The following FSTL1 variants were observed in gnomAD, a reference collection of about 807,000 sequenced individuals.
FSTL1 encodes follistatin-related protein 1.
FSTL1 carries 24 observed loss-of-function variants against 45.9 expected under a neutral mutation model. That is an observed-to-expected ratio of 0.52 (90% CI 0.38 to 0.74). The LOEUF is 0.74. Among genes scored for constraint, FSTL1 ranks in the 30% least tolerant of loss-of-function variants. FSTL1 has a pLI of 0.00. For missense variants in FSTL1, 340 were observed against 381.8 expected (o/e 0.89, Z 0.91); for synonymous variants, 120 against 137.6 (o/e 0.87, Z 0.89).
intron 2 of FSTL1, among the ~76,000 whole-genome samples, chr3:120,428,267 T>C (rs943249901): frequency 5.9e-5 from 9 of 152,140 alleles, no homozygotes; most frequent in African/African-American, 2.2e-4. Flanking sequence ...GCCCACGTGG[T>C]TTATCTCCCC....
Position 120,415,018 on chromosome 3 carries a change from GA to G in FSTL1, c.168+904del, listed in dbSNP as rs200534878. 1.5e-3 allele frequency among the ~76,000 whole-genome samples: 219 copies of G among 147,164 alleles called. 2 individuals carry two copies. Among genetic ancestry groups the G allele is most frequent in the African/African-American group, 4.3e-3 (172 of 40,148 alleles). The stretch of plus-strand genomic sequence containing the variant: ...ATAAATAAATTAAAAAAAAAAGAAA[GA>G]AAAAAAATCTTTAGCTCTATTTAGA... On this transcript the variant is annotated intron_variant, in intron 3 of 10. Coordinates refer to ENST00000295633, the MANE Select transcript of FSTL1 (RefSeq NM_007085.5).
chr3:120,403,939 A>AAAC (rs201832420), intron 7 of FSTL1, among the ~76,000 whole-genome samples: 1,656 of 115,540 alleles, frequency 0.014, 15 homozygotes, highest in Non-Finnish European at 0.02. Context: ...AAAAAAAAAA[A>AAAC]AAAAACAAAA....
At chr3:120,422,402 T>C (rs554831347) in intron 2 of FSTL1, among the ~76,000 whole-genome samples, 110 of 152,350 alleles carry the variant, frequency 7.2e-4, no homozygotes, top group Non-Finnish European at 1.4e-3. Context: ...AGCTTGATTA[T>C]GGTGAACATT....
At position 120,396,061 on chromosome 3, in the gene FSTL1, TA is replaced by T. The variant is rs1936692287; in HGVS notation, c.*890del. 2 of 199,568 alleles carry T rather than the reference TA, an allele frequency of 1.0e-5. No homozygotes were observed. The highest frequency in any genetic ancestry group is 8.2e-5 in the South Asian group (1 of 12,250). The allele number at this position is 199,568 out of a possible 1,614,324, so 12.4% of individuals were successfully genotyped here. A position where few individuals can be genotyped will look rare whatever the true frequency, so the allele number is the denominator to read the frequency against. ...TGGCAGATAGTGGACTGCTGGAAGCTAGGGGGGCCAACTATGGGCTGCATCT... is the reference window on the plus strand; with the variant it reads ...TGGCAGATAGTGGACTGCTGGAAGCTGGGGGGCCAACTATGGGCTGCATCT... On this transcript the variant is annotated 3_prime_UTR_variant, in exon 11 of 11. Transcript: ENST00000295633.
chr3:120,411,757 C>A, intron 4 of FSTL1, 97 bp downstream of exon 4: 4 of 1,074,582 alleles, frequency 3.7e-6, no homozygotes, highest in South Asian at 1.5e-5. Context: ...AGGCTGTGGT[C>A]GTGGAGGAAA....
chr3:120,415,229 G>T (rs1473936696), intron 3 of FSTL1, among the ~76,000 whole-genome samples: 1 of 151,650 alleles, frequency 6.6e-6, no homozygotes, highest in Non-Finnish European at 1.5e-5. Context: ...CAATGCTACA[G>T]AAATAAAGGC....
chr3:120,410,876 T>C lies in FSTL1; in HGVS notation c.331+76A>G, dbSNP rs777879026. ...GAAGATCTTATGAGCTTGGCAGGGA[T>C]TGTGGAACACAAAATTTCTATCATG... On this transcript the variant is annotated intron_variant, in intron 5 of 10. Coordinates refer to ENST00000295633, the MANE Select transcript of FSTL1 (RefSeq NM_007085.5). 6.2e-6 allele frequency: 7 copies of C among 1,137,496 alleles called. No homozygotes were observed. In the Admixed American group the frequency reaches 1.0e-4, roughly 16 times the overall value. 70.5% of individuals were successfully genotyped at this position (1,137,496 alleles called of 1,614,324 possible). A position where few individuals can be genotyped will look rare whatever the true frequency, so the allele number is the denominator to read the frequency against.
At chr3:120,431,402 T>C (rs561727005) in intron 2 of FSTL1, among the ~76,000 whole-genome samples, 1 of 152,264 alleles carries the variant, frequency 6.6e-6, no homozygotes, top group African/African-American at 2.4e-5. Context: ...TTTAGACTTT[T>C]TTCATACTAA....
In FSTL1 at chr3:120,399,963, C is replaced by A; in HGVS notation, c.806-4G>T. 1.9e-6 allele frequency: 3 copies of A among 1,596,932 alleles called. No homozygotes were observed. The highest frequency in any genetic ancestry group is 2.6e-6 in the Non-Finnish European group (3 of 1,168,236). Reference sequence around the variant, plus strand: ...TGGGCCCCCTTCTGATTCTTTCCTGCAAGAAGAACCAAAGCTCAGAGCAGT... The same window carrying A: ...TGGGCCCCCTTCTGATTCTTTCCTGAAAGAAGAACCAAAGCTCAGAGCAGT... On this transcript the variant is annotated splice_region_variant and splice_polypyrimidine_tract_variant and intron_variant, in intron 9 of 10. Coordinates refer to ENST00000295633, the MANE Select transcript of FSTL1 (RefSeq NM_007085.5).
At chr3:120,438,407 G>A (rs1053121195) in intron 2 of FSTL1, 7 of 152,122 alleles carry the variant, frequency 4.6e-5, no homozygotes, top group African/African-American at 1.7e-4. Context: ...TGGGATTCCT[G>A]GGCATGAAGA....
At chr3:120,439,112 C>A (rs978266234) in intron 2 of FSTL1, among the ~76,000 whole-genome samples, 4 of 152,136 alleles carry the variant, frequency 2.6e-5, no homozygotes, top group African/African-American at 9.7e-5. Flanking sequence ...CCTCTCCCAG[C>A]GGAGAGGCGT....
chr3:120,444,426 G>A (rs1490347082), intron 2 of FSTL1, among the ~76,000 whole-genome samples: 1 of 149,626 alleles, frequency 6.7e-6, no homozygotes, highest in Non-Finnish European at 1.5e-5. Flanking sequence ...GATTAGAAAT[G>A]TCTGTCATGG....
At chr3:120,422,322 ATAAAT>A (rs1467041271) in intron 2 of FSTL1, among the ~76,000 whole-genome samples, 3 of 152,264 alleles carry the variant, frequency 2.0e-5, no homozygotes, top group Non-Finnish European at 2.9e-5. Flanking sequence ...AGGATAGATC[ATAAAT>A]TAAATTTTCT....
chr3:120,419,395 C>T (rs1937240557), intron 2 of FSTL1: 1 of 152,234 alleles, frequency 6.6e-6, no homozygotes, highest in Non-Finnish European at 1.5e-5. Context: ...GCCTCATCTT[C>T]TCTGGGAGTG....
At chr3:120,421,078 T>C (rs1937270873) in intron 2 of FSTL1, 1 of 152,182 alleles carries the variant, frequency 6.6e-6, no homozygotes, top group African/African-American at 2.4e-5. Flanking sequence ...GAACATAAAA[T>C]ACACGTTGAA....
At chr3:120,410,701 A>G in intron 5 of FSTL1, 1 of 619,998 alleles carries the variant, frequency 1.6e-6, no homozygotes, top group Non-Finnish European at 3.1e-6. Context: ...TATGCAGTTC[A>G]ATCACTACTC....
At chr3:120,414,009 C>T (rs953461786) in intron 3 of FSTL1, among the ~76,000 whole-genome samples, 48 of 152,080 alleles carry the variant, frequency 3.2e-4, no homozygotes, top group African/African-American at 1.1e-3. Flanking sequence ...TCTCCAGCCC[C>T]TAACCGCAAG....
At chr3:120,436,052 T>C (rs1341768820) in intron 2 of FSTL1, among the ~76,000 whole-genome samples, 1 of 105,570 alleles carries the variant, frequency 9.5e-6, no homozygotes, top group Non-Finnish European at 2.5e-5. Flanking sequence ...CCTATCACAG[T>C]TTATTTTTGT....
intron 9 of FSTL1, among the ~76,000 whole-genome samples, chr3:120,400,656 C>T (rs572733645): frequency 1.4e-4 from 21 of 152,324 alleles, no homozygotes; most frequent in Non-Finnish European, 2.5e-4. Context: ...TCAACCTTCC[C>T]TTCACAGCAG....
Sources: gnomAD v4.1 joint callset for allele counts (sites outside exome capture counted in the v4.1 genomes callset) on GRCh38, gnomAD v4.1.1 for gene constraint, MANE v1.5 for transcripts, NCBI Gene and HGNC (gene_info 2026-07-23, HGNC 2026-07-21) for gene names.